SUFU: variants seen among roughly 807,000 people sequenced by gnomAD.
The protein encoded by SUFU is SUFU negative regulator of hedgehog signaling, also known as suppressor of fused homolog.
SUFU carries 7 observed loss-of-function variants against 58.9 expected under a neutral mutation model. That is an observed-to-expected ratio of 0.12 (90% CI 0.07 to 0.22). The LOEUF (loss-of-function observed/expected upper bound fraction) is 0.22. SUFU is among the 10% of genes least tolerant of loss of function. SUFU has a pLI of 1.00. For missense variants in SUFU, 451 were observed against 641.3 expected (o/e 0.70, Z 3.20); for synonymous variants, 232 against 254.8 (o/e 0.91, Z 0.85).
intron 3 of SUFU, among the ~76,000 whole-genome samples, chr10:102,565,838 G>A (rs1285321810): frequency 1.3e-5 from 2 of 152,164 alleles, no homozygotes; most frequent in Non-Finnish European, 2.9e-5. Context: ...GAGCCACCAC[G>A]CCTGGCCGAA....
chr10:102,537,289 G>A (rs752649782), intron 2 of SUFU, among the ~76,000 whole-genome samples: 1 of 151,746 alleles, frequency 6.6e-6, no homozygotes, highest in Non-Finnish European at 1.5e-5. Flanking sequence ...CACCACCATG[G>A]CCAGCTAATT....
rs556577964 is a variant in SUFU at position 102,588,025 on chromosome 10, G to C, written c.455-4557G>C. Among the ~76,000 whole-genome samples, 3 of 152,300 alleles carry C rather than the reference G, an allele frequency of 2.0e-5. No homozygotes were observed. The East Asian group carries it at 5.8e-4, about 29-fold the overall frequency. ...GCTCCAACTTTATCCTTTTGCGTGT[G>C]AGTATCCAGTTCTTTTAGCAGCATT... On this transcript the variant is annotated intron_variant, in intron 3 of 11. Coordinates refer to ENST00000369902, the MANE Select transcript of SUFU (RefSeq NM_016169.4).
chr10:102,601,667 G>C (rs952081517), intron 8 of SUFU, among the ~76,000 whole-genome samples: 2 of 152,184 alleles, frequency 1.3e-5, no homozygotes, highest in African/African-American at 4.8e-5. Context: ...AAGCCTGTCA[G>C]ACTCAAGTTT....
intron 2 of SUFU, among the ~76,000 whole-genome samples, chr10:102,532,053 C>A (rs926421712): frequency 6.6e-6 from 1 of 152,002 alleles, no homozygotes; most frequent in Non-Finnish European, 1.5e-5. Context: ...GCCTCTGCCT[C>A]CCGAGTTCAA....
At chr10:102,623,773 C>G (rs61088888) in intron 10 of SUFU, among the ~76,000 whole-genome samples, 1 of 152,162 alleles carries the variant, frequency 6.6e-6, no homozygotes, top group Non-Finnish European at 1.5e-5. Flanking sequence ...AACCCCATCT[C>G]TACTAAAAAT....
At chr10:102,621,342 C>T (rs1318333878) in intron 10 of SUFU, among the ~76,000 whole-genome samples, 1 of 152,156 alleles carries the variant, frequency 6.6e-6, no homozygotes, top group African/African-American at 2.4e-5. Flanking sequence ...TGGGGAAGTA[C>T]CCTCCCTTGT....
intron 10 of SUFU, among the ~76,000 whole-genome samples, chr10:102,624,388 T>G (rs1232175585): frequency 6.6e-6 from 1 of 152,242 alleles, no homozygotes; most frequent in Non-Finnish European, 1.5e-5. Flanking sequence ...GCCTGTTTGT[T>G]CAATCCAACC....
intron 2 of SUFU, among the ~76,000 whole-genome samples, chr10:102,544,592 G>T (rs2135730342): frequency 6.6e-6 from 1 of 152,096 alleles, no homozygotes; most frequent in South Asian, 2.1e-4. Flanking sequence ...CCAACTACTT[G>T]GGAGGCTGAG....
chr10:102,580,625 C>A (rs1408783225), intron 3 of SUFU, among the ~76,000 whole-genome samples: 1 of 152,100 alleles, frequency 6.6e-6, no homozygotes, highest in East Asian at 1.9e-4. Flanking sequence ...AGAGGATCTG[C>A]TGCCTTCCTT....
At chr10:102,532,045 C>T (rs979187442) in intron 2 of SUFU, among the ~76,000 whole-genome samples, 16 of 152,096 alleles carry the variant, frequency 1.1e-4, no homozygotes, top group African/African-American at 3.1e-4. Flanking sequence ...TCACTGCAGC[C>T]TCTGCCTCCC....
At chr10:102,541,251 C>T (rs989800934) in intron 2 of SUFU, among the ~76,000 whole-genome samples, 1 of 152,106 alleles carries the variant, frequency 6.6e-6, no homozygotes, top group Non-Finnish European at 1.5e-5. Context: ...AAATGTTACC[C>T]ACCTCCACAC....
chr10:102,542,158 A>G, intron 2 of SUFU, among the ~76,000 whole-genome samples: 1 of 129,214 alleles, frequency 7.7e-6, no homozygotes, highest in Admixed American at 8.2e-5. Flanking sequence ...TTTGAGATGG[A>G]GTCTCACTCT....
chr10:102,624,138 C>T (rs2135948802), intron 10 of SUFU, among the ~76,000 whole-genome samples: 1 of 152,310 alleles, frequency 6.6e-6, no homozygotes. Flanking sequence ...TCATTTTTAT[C>T]ATCACCATTC....
rs947720538 is a variant in SUFU, at chr10:102,630,070, A to C, written c.1370A>C (p.Lys457Thr). The C allele has an allele frequency of 6.2e-7, 1 of 1,614,110 alleles. No individual in the cohort carries two copies. The highest frequency in any genetic ancestry group is 2.2e-5 in the East Asian group (1 of 44,874). The change falls in exon 12 of 12, where the codon AAA becomes ACA. Residue 457 changes from lysine to threonine, a missense_variant. Coordinates refer to ENST00000369902, the MANE Select transcript of SUFU (RefSeq NM_016169.4). Reference sequence around the variant, plus strand: ...CTGTGCTTGCTCCCTCCACAGTTCAAACTTCCCAAAGAGTACAGCTGGCCT... The same window carrying C: ...CTGTGCTTGCTCCCTCCACAGTTCACACTTCCCAAAGAGTACAGCTGGCCT... ...LEDLTSPEEF[K>T]LPKEYSWPEK...
chr10:102,608,604 T>A (rs1310113862), intron 8 of SUFU, among the ~76,000 whole-genome samples: 1 of 152,164 alleles, frequency 6.6e-6, no homozygotes, highest in Non-Finnish European at 1.5e-5. Context: ...GTGGACCCAA[T>A]TCTGACCAGC....
chr10:102,624,078 C>T (rs888232589), intron 10 of SUFU, among the ~76,000 whole-genome samples: 5 of 152,212 alleles, frequency 3.3e-5, no homozygotes, highest in Admixed American at 6.5e-5. Context: ...CTTAGCACAG[C>T]GCCTAGCACA....
chr10:102,559,354 C>T (rs747606052), intron 3 of SUFU, among the ~76,000 whole-genome samples: 2 of 132,404 alleles, frequency 1.5e-5, no homozygotes, highest in African/African-American at 2.8e-5. Flanking sequence ...GAATGCCCAT[C>T]GTGTGGGCAA....
At chr10:102,535,968 A>T (rs181309549) in intron 2 of SUFU, among the ~76,000 whole-genome samples, 5 of 147,922 alleles carry the variant, frequency 3.4e-5, no homozygotes, top group Admixed American at 2.7e-4. Context: ...GATGATGATG[A>T]TGTTGTTGAT....
At chr10:102,528,230 C>G (rs2062633951) in intron 2 of SUFU, among the ~76,000 whole-genome samples, 1 of 152,118 alleles carries the variant, frequency 6.6e-6, no homozygotes, top group South Asian at 2.1e-4. Flanking sequence ...TGAGCTTTTA[C>G]CACCCTGCAA....
Sources: gnomAD v4.1 joint callset for allele counts (sites outside exome capture counted in the v4.1 genomes callset) on GRCh38, gnomAD v4.1.1 for gene constraint, MANE v1.5 for transcripts, NCBI Gene and HGNC (gene_info 2026-07-23, HGNC 2026-07-21) for gene names.